Variants in ARMC3 observed in about 807,000 individuals in gnomAD.
ARMC3 encodes the protein armadillo repeat-containing protein 3.
ARMC3 carries 74 observed loss-of-function variants against 90.3 expected under a neutral mutation model. That is an observed-to-expected ratio of 0.82 (90% CI 0.68 to 0.99). The LOEUF is 0.99. ARMC3 is among the 50% of genes least tolerant of loss of function. The pLI is 0.00. For synonymous variants in ARMC3, 334 were observed against 361.8 expected, an observed-to-expected ratio of 0.92 and a Z score of 0.87; for missense variants, 958 against 1,042.8, an observed-to-expected ratio of 0.92 and a Z score of 1.12.
At position 23,001,801 on chromosome 10, in the gene ARMC3, T is replaced by G. The variant is rs1837305371; in HGVS notation, c.1426-118T>G. 6 of 1,218,794 alleles carry G rather than the reference T, an allele frequency of 4.9e-6. No homozygotes were observed. The South Asian group carries it at 8.2e-5, about 17-fold the overall frequency. 75.5% of individuals were successfully genotyped at this position (1,218,794 alleles called of 1,614,324 possible). ...TTAATAAACCTAAAGATAGACACAT[T>G]CTGAAGCATTTTTACATAGTTAAAA... On this transcript the variant is annotated intron_variant, in intron 11 of 18. Coordinates refer to ENST00000298032, the MANE Select transcript of ARMC3 (RefSeq NM_173081.5).
intron 3 of ARMC3, among the ~76,000 whole-genome samples, chr10:22,953,875 A>G (rs1834823162): frequency 6.6e-6 from 1 of 152,226 alleles, no homozygotes; most frequent in Non-Finnish European, 1.5e-5. Context: ...CTACCATTAT[A>G]TGGATTTACC....
At chr10:22,964,212 C>T (rs1440162545) in intron 7 of ARMC3, among the ~76,000 whole-genome samples, 3 of 152,050 alleles carry the variant, frequency 2.0e-5, no homozygotes, top group Non-Finnish European at 4.4e-5. Context: ...AAACTTTTTG[C>T]AAAATCTATA....
Position 22,959,387 on chromosome 10 carries a change from T to G in ARMC3, c.362-12T>G, listed in dbSNP as rs769953436. 2.5e-6 allele frequency: 4 copies of G among 1,590,620 alleles called. No homozygotes were observed. The highest frequency in any genetic ancestry group is 1.4e-5 in the African/African-American group (1 of 73,616). On this transcript the variant is annotated splice_polypyrimidine_tract_variant and intron_variant, in intron 5 of 18. Transcript: ENST00000298032. Reference sequence around the variant, plus strand: ...AGTTGGCATACTTGTGTTATTTATTTTTGATACACAGAAGAAGTAGTTATC... The same window carrying G: ...AGTTGGCATACTTGTGTTATTTATTGTTGATACACAGAAGAAGTAGTTATC...
At chr10:23,005,156 T>G (rs1588906486) in intron 13 of ARMC3, among the ~76,000 whole-genome samples, 1 of 134,240 alleles carries the variant, frequency 7.4e-6, no homozygotes, top group South Asian at 2.3e-4. Flanking sequence ...GAGCTTGTGG[T>G]GAGCCGAGAT....
At position 23,002,549 on chromosome 10, in the gene ARMC3, TC is replaced by T. The variant is rs1218450382; in HGVS notation, c.1562+495del. ...AGGGTTTTAAGTTTCATTTCTTTTC[TC>T]TTTCTTTCTTTCTTTCTTTCTTTCT... On this transcript the variant is annotated intron_variant, in intron 12 of 18. Transcript: ENST00000298032. 0.013 allele frequency among the ~76,000 whole-genome samples: 4 copies of T among 308 alleles called. No individual in the cohort carries two copies. The East Asian group carries it at 0.14, about 11-fold the overall frequency. The allele number at this position is 308 out of a possible 152,430, so 0.2% of individuals were successfully genotyped here.
intron 2 of ARMC3, among the ~76,000 whole-genome samples, chr10:22,945,071 T>C (rs1834473607): frequency 6.6e-6 from 1 of 152,192 alleles, no homozygotes; most frequent in Non-Finnish European, 1.5e-5. Flanking sequence ...CCATTTCTCC[T>C]CCAAAAGGGA....
At chr10:22,941,600 G>A (rs966809758) in intron 2 of ARMC3, among the ~76,000 whole-genome samples, 1 of 152,162 alleles carries the variant, frequency 6.6e-6, no homozygotes, top group Non-Finnish European at 1.5e-5. Flanking sequence ...ATTAATGAAG[G>A]TGAATGAGTT....
intron 16 of ARMC3, among the ~76,000 whole-genome samples, chr10:23,010,851 T>C (rs1199277959): frequency 1.1e-5 from 1 of 93,672 alleles, no homozygotes; most frequent in African/African-American, 3.9e-5. Context: ...TTGCCTCTCC[T>C]CTCCTTCCCT....
chr10:23,010,845 CT>C lies in ARMC3; in HGVS notation c.2045+1915del, dbSNP rs1564394320. On this transcript the variant is annotated intron_variant, in intron 16 of 18. Coordinates refer to ENST00000298032, the MANE Select transcript of ARMC3 (RefSeq NM_173081.5). ...CTTGCCTCTCCTCTCCTTCCCTTGCCTCTCCTCTCCTTCCCTTGCCTCTCCT... is the reference window on the plus strand; with the variant it reads ...CTTGCCTCTCCTCTCCTTCCCTTGCCCTCCTCTCCTTCCCTTGCCTCTCCT... Among the ~76,000 whole-genome samples, 57 of 121,994 alleles carry C rather than the reference CT, an allele frequency of 4.7e-4. 1 individual carries two copies. Among genetic ancestry groups the C allele is most frequent in the African/African-American group, 1.5e-3 (50 of 32,814 alleles). The allele number at this position is 121,994 out of a possible 152,430, so 80.0% of individuals were successfully genotyped here.
At chr10:22,973,293 T>TTAATAATAA (rs148238155) in intron 8 of ARMC3, among the ~76,000 whole-genome samples, 42 of 140,910 alleles carry the variant, frequency 3.0e-4, no homozygotes, top group East Asian at 1.2e-3. Context: ...AGCAAGACCC[T>TTAATAATAA]TAATAATAAT....
intron 9 of ARMC3, 50 bp from the exon 10 acceptor site, chr10:22,981,545 G>A (rs754308465): frequency 9.9e-6 from 16 of 1,613,302 alleles, no homozygotes; most frequent in South Asian, 1.1e-5. Context: ...CCGTATTTTA[G>A]TGCACATGGG....
At chr10:22,974,928 C>A (rs1331149805) in intron 8 of ARMC3, among the ~76,000 whole-genome samples, 3 of 152,194 alleles carry the variant, frequency 2.0e-5, no homozygotes, top group Admixed American at 6.5e-5. Context: ...AGGCATGAGC[C>A]CCACCCTGGC....
At chr10:22,929,185 C>T (rs1233109042) in intron 1 of ARMC3, among the ~76,000 whole-genome samples, 3 of 150,506 alleles carry the variant, frequency 2.0e-5, no homozygotes, top group African/African-American at 7.4e-5. Context: ...AAGATCAGGC[C>T]ACTCTCCAGC....
chr10:23,034,927 A>G (rs1000561377), intron 18 of ARMC3, among the ~76,000 whole-genome samples: 3 of 152,200 alleles, frequency 2.0e-5, no homozygotes, highest in African/African-American at 7.2e-5. Flanking sequence ...TTCCAGATCT[A>G]TGTATGTGAT....
At chr10:23,017,753 G>A (rs1036452230) in intron 16 of ARMC3, among the ~76,000 whole-genome samples, 6 of 152,236 alleles carry the variant, frequency 3.9e-5, no homozygotes, top group African/African-American at 1.4e-4. Flanking sequence ...GCAACAGAGC[G>A]AGACTTCGTC....
chr10:23,009,351 A>G (rs376748295), intron 16 of ARMC3, among the ~76,000 whole-genome samples: 25 of 151,970 alleles, frequency 1.6e-4, no homozygotes, highest in African/African-American at 6.0e-4. Flanking sequence ...CTCCCGCCCC[A>G]CTTTTGCTTC....
chr10:22,946,407 C>G, intron 3 of ARMC3, 146 bp downstream of exon 3: 1 of 529,804 alleles, frequency 1.9e-6, no homozygotes, highest in Non-Finnish European at 3.3e-6. Context: ...AATGCATTAC[C>G]TAAGAGCAAT....
Position 23,037,373 on chromosome 10 carries a change from T to C in ARMC3, c.2513T>C (p.Ile838Thr), listed in dbSNP as rs60713513. ...MLQNDSRKGV[I>T]GGLPAPEMYV... Reference sequence around the variant, plus strand: ...CAGAATGACTCTCGGAAGGGAGTGATTGGGGGCCTCCCCGCTCCTGAGATG... The same window carrying C: ...CAGAATGACTCTCGGAAGGGAGTGACTGGGGGCCTCCCCGCTCCTGAGATG... The change falls in exon 19 of 19, where the codon ATT (isoleucine) becomes ACT (threonine). Residue 838 changes from isoleucine to threonine, a missense_variant. Coordinates refer to ENST00000298032, the MANE Select transcript of ARMC3 (RefSeq NM_173081.5). 4,322 of 1,613,950 alleles carry C rather than the reference T, an allele frequency of 2.7e-3. 78 individuals are homozygous for C. In the African/African-American group the frequency reaches 0.045, roughly 17 times the overall value.
chr10:23,023,856 G>A (rs998230684), intron 16 of ARMC3, among the ~76,000 whole-genome samples: 9 of 152,018 alleles, frequency 5.9e-5, no homozygotes, highest in Non-Finnish European at 8.8e-5. Flanking sequence ...AAGGACTTAC[G>A]GGACAATAAT....
Sources: gnomAD v4.1 joint callset for allele counts (sites outside exome capture counted in the v4.1 genomes callset) on GRCh38, gnomAD v4.1.1 for gene constraint, MANE v1.5 for transcripts, NCBI Gene and HGNC (gene_info 2026-07-23, HGNC 2026-07-21) for gene names.